The following C10orf67 variants were observed in gnomAD, a reference collection of about 807,000 sequenced individuals.
C10orf67 encodes the protein uncharacterized protein C10orf67, mitochondrial.
A neutral mutation model predicts 35.6 loss-of-function variants in C10orf67; 60 were observed. The observed-to-expected ratio is 1.68, with a 90% CI of 1.37 to 2.09. C10orf67 has a LOEUF of 2.09. Among genes scored for constraint, C10orf67 ranks in the 30% most tolerant of loss-of-function variants. C10orf67 has a pLI of 0.00. For synonymous variants in C10orf67, 167 were observed against 115.8 expected (o/e 1.44, Z -2.84); for missense variants, 474 against 330.2 (o/e 1.44, Z -3.38).
chr10:23,259,345 C>CTAGTGCTAG, intron 10 of C10orf67, among the ~76,000 whole-genome samples: 1 of 152,214 alleles, frequency 6.6e-6, no homozygotes, highest in South Asian at 2.1e-4. Flanking sequence ...GTTGATAACC[C>CTAGTGCTAG]TAGTGCTAGT....
chr10:23,212,120 G>C (rs918028414), intron 15 of C10orf67, among the ~76,000 whole-genome samples: 1 of 152,212 alleles, frequency 6.6e-6, no homozygotes, highest in African/African-American at 2.4e-5. Context: ...TGTGAACGCA[G>C]AGATGTAGGT....
At chr10:23,327,202 G>T (rs972102322) in intron 2 of C10orf67, among the ~76,000 whole-genome samples, 3 of 151,824 alleles carry the variant, frequency 2.0e-5, no homozygotes, top group Admixed American at 6.6e-5. Context: ...GAGAAAAAAG[G>T]TATAGAAAAA....
At chr10:23,281,723 GT>G (rs1179457543) in intron 8 of C10orf67, among the ~76,000 whole-genome samples, 2 of 151,938 alleles carry the variant, frequency 1.3e-5, no homozygotes, top group Non-Finnish European at 2.9e-5. Context: ...TCTCATATTT[GT>G]TTTTTTAAAT....
In C10orf67 at chr10:23,267,229, T is replaced by G. The variant is rs558272728; in HGVS notation, c.1001A>C (p.Glu334Ala). 98 of 716,282 alleles carry G rather than the reference T, an allele frequency of 1.4e-4. No homozygotes were observed. The East Asian group carries it at 2.6e-3, about 19-fold the overall frequency. The allele number at this position is 716,282 out of a possible 1,614,324, so 44.4% of individuals were successfully genotyped here. A position where few individuals can be genotyped will look rare whatever the true frequency, so the allele number is the denominator to read the frequency against. ...TAAGCTGCCATACTTTTTTCTCATT[T>G]CCTTGTCCTCTTTCTGTTTATTAAT... Reference protein sequence around the residue: ...DVINKQKEDKEMRKKYGSLSV... With the variant: ...DVINKQKEDKAMRKKYGSLSV... Residue 334 changes from glutamate (E) to alanine (A), a missense_variant, in exon 9 of 16, where the codon GAA becomes GCA. Physicochemically the swap from Glu to Ala is moderately radical, Grantham distance 107. Coordinates refer to ENST00000636213, the MANE Select transcript of C10orf67 (RefSeq NM_001371909.1).
At chr10:23,238,442 C>T (rs1842100710) in intron 13 of C10orf67, among the ~76,000 whole-genome samples, 1 of 152,172 alleles carries the variant, frequency 6.6e-6, no homozygotes, top group Non-Finnish European at 1.5e-5. Context: ...GGATTCTAGA[C>T]CAGATGGAGC....
At chr10:23,242,136 T>A (rs1458180588) in intron 12 of C10orf67, among the ~76,000 whole-genome samples, 1 of 152,062 alleles carries the variant, frequency 6.6e-6, no homozygotes, top group Non-Finnish European at 1.5e-5. Context: ...CACGCCCAGC[T>A]TATTTTTGTA....
intron 4 of C10orf67, among the ~76,000 whole-genome samples, chr10:23,310,567 G>A (rs917716262): frequency 6.6e-6 from 1 of 152,162 alleles, no homozygotes; most frequent in Non-Finnish European, 1.5e-5. Flanking sequence ...TCTGTCCTAG[G>A]ACCTGCCCTT....
chr10:23,336,031 T>C (rs1355524317), intron 1 of C10orf67, among the ~76,000 whole-genome samples: 1 of 151,972 alleles, frequency 6.6e-6, no homozygotes, highest in Non-Finnish European at 1.5e-5. Context: ...TAAAAAAAAC[T>C]GGGAGTCAGG....
At chr10:23,223,484 T>G (rs1841644208) in intron 15 of C10orf67, 114 bp downstream of exon 15, 1 of 671,210 alleles carries the variant, frequency 1.5e-6, no homozygotes, top group Non-Finnish European at 2.7e-6. Flanking sequence ...CTGAAAAAAG[T>G]CATGCATTCA....
rs1841090248 is a variant in C10orf67, at chr10:23,204,062, A to T, written c.*111T>A. 1 of 433,430 alleles carries T rather than the reference A, an allele frequency of 2.3e-6. No homozygotes were observed. The highest frequency in any genetic ancestry group is 4.2e-6 in the Non-Finnish European group (1 of 238,044). 26.8% of individuals were successfully genotyped at this position (433,430 alleles called of 1,614,324 possible). A position where few individuals can be genotyped will look rare whatever the true frequency, so the allele number is the denominator to read the frequency against. On this transcript the variant is annotated 3_prime_UTR_variant, in exon 16 of 16. Coordinates refer to ENST00000636213, the MANE Select transcript of C10orf67 (RefSeq NM_001371909.1). ...CATAATCTGGAGAGATTAAACAATTAGTTTAGAAAATCCTTGGAGATAGTA... is the reference window on the plus strand; with the variant it reads ...CATAATCTGGAGAGATTAAACAATTTGTTTAGAAAATCCTTGGAGATAGTA...
At chr10:23,239,190 C>T (rs1292941337) in intron 13 of C10orf67, among the ~76,000 whole-genome samples, 1 of 152,042 alleles carries the variant, frequency 6.6e-6, no homozygotes, top group Non-Finnish European at 1.5e-5. Context: ...ATTTCTATAC[C>T]AGGTATCAAT....
chr10:23,264,759 T>G (rs770454025), intron 10 of C10orf67, among the ~76,000 whole-genome samples: 10 of 152,218 alleles, frequency 6.6e-5, no homozygotes, highest in Non-Finnish European at 1.0e-4. Flanking sequence ...TGCTGTGACC[T>G]CAGGACAAGA....
At chr10:23,210,678 C>T (rs1011340974) in intron 15 of C10orf67, among the ~76,000 whole-genome samples, 1 of 152,120 alleles carries the variant, frequency 6.6e-6, no homozygotes, top group Non-Finnish European at 1.5e-5. Context: ...ACTCAGCCTC[C>T]CAAAGTACTG....
At chr10:23,294,886 C>G (rs1843832626) in intron 5 of C10orf67, among the ~76,000 whole-genome samples, 1 of 152,084 alleles carries the variant, frequency 6.6e-6, no homozygotes, top group Non-Finnish European at 1.5e-5. Context: ...AAAAGATCAT[C>G]TAGAACTTAA....
At chr10:23,283,777 C>T in intron 7 of C10orf67, among the ~76,000 whole-genome samples, 1 of 152,252 alleles carries the variant, frequency 6.6e-6, no homozygotes, top group South Asian at 2.1e-4. Flanking sequence ...AGTATCCTTT[C>T]TCCAACCTTC....
chr10:23,204,191 G>C lies in C10orf67; in HGVS notation c.1635C>G (p.Pro545=). ...TGCTGGGTTAATCAACAGTCTCTGC[G>C]GGGCTGCTCTGGCGCATGGAGGGCT... The part of the protein sequence containing the change: ...LEEPSMRQSS[P]AETVD Residue 545 remains proline (P), a synonymous_variant, in exon 16 of 16, where the codon CCC becomes CCG. Coordinates refer to ENST00000636213, the MANE Select transcript of C10orf67 (RefSeq NM_001371909.1). 1 of 641,500 alleles carries C rather than the reference G, an allele frequency of 1.6e-6. No homozygotes were observed. Among genetic ancestry groups the C allele is most frequent in the South Asian group, 1.8e-5 (1 of 56,534 alleles). 39.7% of individuals were successfully genotyped at this position (641,500 alleles called of 1,614,324 possible).
intron 13 of C10orf67, among the ~76,000 whole-genome samples, chr10:23,234,639 C>G (rs1437102919): frequency 1.3e-5 from 2 of 151,794 alleles, no homozygotes; most frequent in African/African-American, 2.4e-5. Flanking sequence ...ACAAGTTTAC[C>G]TATATAACAA....
At chr10:23,279,897 C>T (rs1012560136) in intron 8 of C10orf67, among the ~76,000 whole-genome samples, 2 of 152,046 alleles carry the variant, frequency 1.3e-5, no homozygotes, top group South Asian at 2.1e-4. Flanking sequence ...GTCGCCCGGG[C>T]TGAAAAGCAG....
rs1370962165 is a variant in C10orf67 at position 23,266,427 on chromosome 10, C to T, written c.1036-1G>A. 5.0e-6 allele frequency: 2 copies of T among 398,606 alleles called. No individual in the cohort carries two copies. The highest frequency in any genetic ancestry group is 4.4e-6 in the Non-Finnish European group (1 of 226,054). 24.7% of individuals were successfully genotyped at this position (398,606 alleles called of 1,614,324 possible). The stretch of plus-strand genomic sequence containing the variant: ...CTCTCCCCTTGGCTGATCTTGCAAC[C>T]TGCCACACAAAAAGACACAACTTTG... On this transcript the variant is annotated splice_acceptor_variant, in intron 9 of 15. Coordinates refer to ENST00000636213, the MANE Select transcript of C10orf67 (RefSeq NM_001371909.1). LOFTEE classifies it high-confidence loss of function.
Sources: allele counts gnomAD v4.1 joint callset (sites outside exome capture counted in the v4.1 genomes callset), GRCh38; gene constraint gnomAD v4.1.1; transcripts MANE v1.5; gene names NCBI Gene and HGNC (gene_info 2026-07-23, HGNC 2026-07-21).